The following AMPH variants were observed in gnomAD, a reference collection of about 807,000 sequenced individuals.
The protein encoded by AMPH is amphiphysin (Stiff-Mann syndrome with breast cancer 128kD autoantigen).
Under a neutral mutation model 99.1 loss-of-function variants are expected in AMPH, and 49 were observed. That is an observed-to-expected ratio of 0.49 (90% CI 0.39 to 0.63). The LOEUF (loss-of-function observed/expected upper bound fraction) is 0.63, where lower values mean the gene tolerates loss of function less well. Among genes scored for constraint, AMPH ranks in the 20% least tolerant of loss-of-function variants. The pLI, the probability that AMPH is intolerant of heterozygous loss-of-function variation, is 0.00. For synonymous variants in AMPH, 314 were observed against 317.3 expected (o/e 0.99, Z 0.11); for missense variants, 759 against 863.4 (o/e 0.88, Z 1.52).
At chr7:38,485,972 T>C (rs1199984356) in intron 5 of AMPH, among the ~76,000 whole-genome samples, 2 of 151,704 alleles carry the variant, frequency 1.3e-5, no homozygotes, top group East Asian at 3.9e-4. Flanking sequence ...AAGTGGAAAG[T>C]TTTAGTGATA....
intron 17 of AMPH, among the ~76,000 whole-genome samples, chr7:38,403,225 G>A (rs1266019501): frequency 6.6e-6 from 1 of 152,208 alleles, no homozygotes; most frequent in Non-Finnish European, 1.5e-5. Flanking sequence ...AAAAAGGAAA[G>A]CTACGAGAGT....
chr7:38,419,399 A>G (rs1326273374), intron 16 of AMPH, among the ~76,000 whole-genome samples: 2 of 152,074 alleles, frequency 1.3e-5, no homozygotes, highest in African/African-American at 2.4e-5. Flanking sequence ...TCAAAAGGAC[A>G]TAATAAATTC....
rs1410237172 is a variant in AMPH at position 38,469,015 on chromosome 7, G to A, written c.591-2767C>T. On this transcript the variant is annotated intron_variant, in intron 7 of 20. Coordinates refer to ENST00000356264, the MANE Select transcript of AMPH (RefSeq NM_001635.4). ...TAAAAATACAAAAAATTAGCCGGGC[G>A]TAGTGGCGGGCGCCTGTAGTCCCAG... 2.6e-5 allele frequency among the ~76,000 whole-genome samples: 3 copies of A among 116,954 alleles called. 1 individual carries two copies. Among genetic ancestry groups the A allele is most frequent in the African/African-American group, 1.0e-4 (3 of 28,786 alleles). 76.7% of individuals were successfully genotyped at this position (116,954 alleles called of 152,430 possible).
intron 3 of AMPH, among the ~76,000 whole-genome samples, chr7:38,502,839 T>C (rs1270875081): frequency 6.6e-6 from 1 of 152,214 alleles, no homozygotes; most frequent in Non-Finnish European, 1.5e-5. Flanking sequence ...TTTACATCTT[T>C]ACTATATCTG....
At chr7:38,456,353 G>A (rs1488971268) in intron 11 of AMPH, among the ~76,000 whole-genome samples, 1 of 152,142 alleles carries the variant, frequency 6.6e-6, no homozygotes, top group African/African-American at 2.4e-5. Context: ...TCAGCAGGCT[G>A]GAAACCACCC....
intron 11 of AMPH, among the ~76,000 whole-genome samples, chr7:38,450,881 C>A (rs1786984445): frequency 6.6e-6 from 1 of 150,456 alleles, no homozygotes; most frequent in Admixed American, 6.7e-5. Flanking sequence ...AAAAGCCAAT[C>A]CAAAACACTT....
At chr7:38,443,279 TTCTATCAAACCTTTAAGCAAC>T (rs1450180943) in intron 11 of AMPH, among the ~76,000 whole-genome samples, 1 of 152,030 alleles carries the variant, frequency 6.6e-6, no homozygotes, top group Non-Finnish European at 1.5e-5. Flanking sequence ...CTCCGATGAA[TTCTATCAAACCTTTAAGCAAC>T]AAATAATACC....
At chr7:38,538,238 C>T (rs1046065789) in intron 1 of AMPH, among the ~76,000 whole-genome samples, 3 of 152,118 alleles carry the variant, frequency 2.0e-5, no homozygotes, top group Non-Finnish European at 4.4e-5. Flanking sequence ...TTCTGAGAAT[C>T]CATAATAAAT....
chr7:38,557,871 T>C (rs898209631), intron 1 of AMPH, among the ~76,000 whole-genome samples: 9 of 151,698 alleles, frequency 5.9e-5, no homozygotes, highest in South Asian at 4.2e-4. Flanking sequence ...CTGGGTAACA[T>C]AGCAAAACCC....
chr7:38,528,818 A>T (rs1790287724), intron 2 of AMPH, among the ~76,000 whole-genome samples: 1 of 151,134 alleles, frequency 6.6e-6, no homozygotes, highest in Non-Finnish European at 1.5e-5. Flanking sequence ...TAGATTATTG[A>T]TTTAAGACCT....
At chr7:38,442,788 T>TA (rs140961528) in intron 11 of AMPH, among the ~76,000 whole-genome samples, 154 of 146,228 alleles carry the variant, frequency 1.1e-3, no homozygotes, top group Middle Eastern at 3.5e-3. Context: ...ACCCTGAATA[T>TA]AAAAAAAAAA....
At chr7:38,521,419 G>T (rs148149207) in intron 2 of AMPH, among the ~76,000 whole-genome samples, 7,280 of 152,240 alleles carry the variant, frequency 0.048, 234 homozygotes, top group African/African-American at 0.084. Flanking sequence ...TACTCAAGAG[G>T]CTGAGGCAGG....
chr7:38,620,329 T>G (rs902909279), intron 1 of AMPH, among the ~76,000 whole-genome samples: 5 of 101,784 alleles, frequency 4.9e-5, no homozygotes, highest in Non-Finnish European at 2.1e-5. Context: ...TCATTGGAGA[T>G]ATATATATGT....
At chr7:38,566,635 T>C (rs1278680879) in intron 1 of AMPH, among the ~76,000 whole-genome samples, 1 of 152,138 alleles carries the variant, frequency 6.6e-6, no homozygotes, top group African/African-American at 2.4e-5. Context: ...AGAAAATTTT[T>C]GCGATCTACC....
intron 17 of AMPH, among the ~76,000 whole-genome samples, chr7:38,399,238 C>T (rs11766168): frequency 0.041 from 6,315 of 152,296 alleles, 183 homozygotes; most frequent in Non-Finnish European, 0.062. Context: ...TTACTTACCA[C>T]GTTGATTTTA....
At chr7:38,428,460 A>G (rs1462156069) in intron 14 of AMPH, 2 of 456,716 alleles carry the variant, frequency 4.4e-6, no homozygotes, top group Non-Finnish European at 4.4e-6. Context: ...TTCAAGTTTT[A>G]TTGATAAAAC....
At position 38,606,810 on chromosome 7, in the gene AMPH, A is replaced by T. The variant is rs543527600; in HGVS notation, c.69+24473T>A. 2.0e-5 allele frequency among the ~76,000 whole-genome samples: 3 copies of T among 152,140 alleles called. No individual in the cohort carries two copies. In the East Asian group the frequency reaches 5.8e-4, roughly 30 times the overall value. The stretch of plus-strand genomic sequence containing the variant: ...GGCTGGTCTTGAACTCTCGGCCTCA[A>T]GCAATCCTCATGCTTTGGCCTCCCA... On this transcript the variant is annotated intron_variant, in intron 1 of 20. Transcript: ENST00000356264.
chr7:38,452,687 G>T (rs999116577), intron 11 of AMPH, among the ~76,000 whole-genome samples: 1 of 152,174 alleles, frequency 6.6e-6, no homozygotes, highest in Non-Finnish European at 1.5e-5. Context: ...ATTCACTGTG[G>T]TGCTTTGTTA....
At chr7:38,617,460 A>T (rs1385602943) in intron 1 of AMPH, among the ~76,000 whole-genome samples, 1 of 152,252 alleles carries the variant, frequency 6.6e-6, no homozygotes, top group Non-Finnish European at 1.5e-5. Flanking sequence ...TGTGACAAGG[A>T]ACCTGGAGTG....
Sources: gnomAD v4.1 joint callset for allele counts (sites outside exome capture counted in the v4.1 genomes callset) on GRCh38, gnomAD v4.1.1 for gene constraint, MANE v1.5 for transcripts, NCBI Gene and HGNC (gene_info 2026-07-23, HGNC 2026-07-21) for gene names.